Variants in CLSTN2 observed in about 807,000 individuals in gnomAD.
CLSTN2 encodes the protein calsyntenin-2.
Under a neutral mutation model 101.2 loss-of-function variants are expected in CLSTN2, and 48 were observed. The observed-to-expected ratio is 0.47, with a 90% CI of 0.38 to 0.60. The LOEUF is 0.60. Ranked by LOEUF, CLSTN2 falls within the 20% of genes least tolerant of loss-of-function variation. The pLI is 0.00. For missense variants in CLSTN2, 1,160 were observed against 1,238.2 expected (o/e 0.94, Z 0.95); for synonymous variants, 481 against 463.6 (o/e 1.04, Z -0.48).
chr3:139,967,393 G>A (rs1197910176), intron 1 of CLSTN2, among the ~76,000 whole-genome samples: 4 of 152,286 alleles, frequency 2.6e-5, no homozygotes, highest in East Asian at 1.9e-4. Flanking sequence ...GGGCATTGGG[G>A]TCTATAAGAA....
intron 1 of CLSTN2, among the ~76,000 whole-genome samples, chr3:139,994,210 T>G (rs2107829565): frequency 6.6e-6 from 1 of 152,322 alleles, no homozygotes; most frequent in South Asian, 2.1e-4. Context: ...AGGTCTTGGG[T>G]TTGGGCACTG....
In CLSTN2 at chr3:140,568,859, AGGT is replaced by A. The variant is rs1486946595; in HGVS notation, c.*2609_*2611del. ...TTTTGGTAGGGGGGGTAGCAGGTAA[AGGT>A]GGCCCATGGCTAGGGCAGCAAAGAT... On this transcript the variant is annotated 3_prime_UTR_variant, in exon 17 of 17. Coordinates refer to ENST00000458420, the MANE Select transcript of CLSTN2 (RefSeq NM_022131.3). The A allele has an allele frequency of 6.6e-6, 1 of 152,180 alleles. No individual in the cohort carries two copies. The highest frequency in any genetic ancestry group is 1.5e-5 in the Non-Finnish European group (1 of 68,080). 9.4% of individuals were successfully genotyped at this position (152,180 alleles called of 1,614,324 possible).
At chr3:140,326,156 C>T (rs555253041) in intron 2 of CLSTN2, among the ~76,000 whole-genome samples, 1 of 152,270 alleles carries the variant, frequency 6.6e-6, no homozygotes, top group East Asian at 1.9e-4. Flanking sequence ...TCTGAAATGC[C>T]ACCATTATGG....
chr3:140,386,903 A>G (rs1490999750), intron 2 of CLSTN2, among the ~76,000 whole-genome samples: 1 of 152,216 alleles, frequency 6.6e-6, no homozygotes, highest in Non-Finnish European at 1.5e-5. Flanking sequence ...CCTGTGCCCT[A>G]AACTTGCTGA....
chr3:140,027,895 G>C (rs1276207432), intron 1 of CLSTN2, among the ~76,000 whole-genome samples: 1 of 152,196 alleles, frequency 6.6e-6, no homozygotes, highest in Non-Finnish European at 1.5e-5. Context: ...ACCTGATTGG[G>C]GATACTGGTT....
chr3:140,119,725 T>C (rs1392114923), intron 1 of CLSTN2, among the ~76,000 whole-genome samples: 1 of 152,124 alleles, frequency 6.6e-6, no homozygotes, highest in African/African-American at 2.4e-5. Flanking sequence ...CCCAGGCTGG[T>C]CTCAAATTCA....
intron 1 of CLSTN2, among the ~76,000 whole-genome samples, chr3:139,970,240 G>T (rs1415471843): frequency 6.6e-6 from 1 of 152,114 alleles, no homozygotes; most frequent in Non-Finnish European, 1.5e-5. Flanking sequence ...TGAGTAAGTA[G>T]GTTAAAACTT....
chr3:140,484,858 C>T lies in CLSTN2; in HGVS notation c.1344+18127C>T, dbSNP rs188116073. ...GCATTGGCTATTCTAGTTAGCCATT[C>T]GTCTTATTTTTTTTCAAGGTTTTTA... On this transcript the variant is annotated intron_variant, in intron 8 of 16. Coordinates refer to ENST00000458420, the MANE Select transcript of CLSTN2 (RefSeq NM_022131.3). 3.1e-4 allele frequency among the ~76,000 whole-genome samples: 47 copies of T among 152,200 alleles called. No individual in the cohort carries two copies. In the East Asian group the frequency reaches 7.5e-3, roughly 24 times the overall value.
At chr3:140,396,616 A>G (rs1576547462) in intron 2 of CLSTN2, among the ~76,000 whole-genome samples, 1 of 152,256 alleles carries the variant, frequency 6.6e-6, no homozygotes, top group Admixed American at 6.5e-5. Context: ...TGACTTCCCT[A>G]CAGTCCCATG....
At chr3:140,165,512 A>G (rs1252639875) in intron 1 of CLSTN2, among the ~76,000 whole-genome samples, 1 of 152,184 alleles carries the variant, frequency 6.6e-6, no homozygotes, top group East Asian at 1.9e-4. Flanking sequence ...GTGGCATGAG[A>G]GCAGACAGTA....
chr3:140,265,593 A>G (rs73867110), intron 2 of CLSTN2, among the ~76,000 whole-genome samples: 6,773 of 152,296 alleles, frequency 0.044, 321 homozygotes, highest in African/African-American at 0.11. Flanking sequence ...CGCAGTTTCA[A>G]TGTACTTTCC....
At chr3:140,428,531 A>C (rs1015573668) in intron 5 of CLSTN2, among the ~76,000 whole-genome samples, 1 of 151,968 alleles carries the variant, frequency 6.6e-6, no homozygotes, top group Admixed American at 6.6e-5. Context: ...GGCTCCCCAG[A>C]CTGAAGAATC....
At chr3:140,527,392 C>T (rs929206324) in intron 8 of CLSTN2, among the ~76,000 whole-genome samples, 36 of 152,086 alleles carry the variant, frequency 2.4e-4, no homozygotes, top group African/African-American at 8.7e-4. Flanking sequence ...CATCTCATAC[C>T]AGTCAGAATG....
intron 2 of CLSTN2, among the ~76,000 whole-genome samples, chr3:140,316,027 G>T (rs2087228261): frequency 6.6e-6 from 1 of 152,188 alleles, no homozygotes; most frequent in South Asian, 2.1e-4. Context: ...AATTCTGAGG[G>T]AACTGGGAGT....
At chr3:140,064,331 C>T (rs2008261914) in intron 1 of CLSTN2, among the ~76,000 whole-genome samples, 1 of 152,314 alleles carries the variant, frequency 6.6e-6, no homozygotes, top group Non-Finnish European at 1.5e-5. Flanking sequence ...CTAATTATCA[C>T]TAAAGTTTTA....
At chr3:140,552,882 G>C (rs1935730622) in intron 10 of CLSTN2, among the ~76,000 whole-genome samples, 1 of 152,220 alleles carries the variant, frequency 6.6e-6, no homozygotes, top group African/African-American at 2.4e-5. Flanking sequence ...GGCTGGAGAA[G>C]AGGAGCAGAA....
intron 9 of CLSTN2, among the ~76,000 whole-genome samples, chr3:140,546,121 G>A (rs1429783006): frequency 6.6e-6 from 1 of 152,184 alleles, no homozygotes; most frequent in African/African-American, 2.4e-5. Context: ...CCTGCCAGGT[G>A]AAAACAATGC....
chr3:140,023,124 T>G (rs961826857), intron 1 of CLSTN2, among the ~76,000 whole-genome samples: 1 of 152,074 alleles, frequency 6.6e-6, no homozygotes, highest in African/African-American at 2.4e-5. Flanking sequence ...CCAAAACCAG[T>G]GGGTTCGTTT....
intron 1 of CLSTN2, among the ~76,000 whole-genome samples, chr3:139,996,025 T>C (rs2006648665): frequency 6.6e-6 from 1 of 152,216 alleles, no homozygotes; most frequent in Non-Finnish European, 1.5e-5. Flanking sequence ...GTAACTTACA[T>C]CTACCCATGT....
Sources: allele counts gnomAD v4.1 joint callset (sites outside exome capture counted in the v4.1 genomes callset), GRCh38; gene constraint gnomAD v4.1.1; transcripts MANE v1.5; gene names NCBI Gene and HGNC (gene_info 2026-07-23, HGNC 2026-07-21).